The following MCPH1 variants were observed in gnomAD, a reference collection of about 807,000 sequenced individuals.
MCPH1 encodes the protein microcephalin 1.
In MCPH1, 104 loss-of-function variants were observed where a neutral mutation model predicts 84.5. The ratio of observed to expected loss-of-function variants is 1.23; its 90% CI spans 1.05 to 1.45. The LOEUF (loss-of-function observed/expected upper bound fraction) is 1.45. Ranked by LOEUF, MCPH1 falls within the 40% of genes most tolerant of loss-of-function variation. The probability of loss-of-function intolerance (pLI) is 0.00; values close to 1 mark genes in which losing one functional copy is unlikely to be tolerated. For missense variants in MCPH1, 1,498 were observed against 1,005.7 expected, an observed-to-expected ratio of 1.49 and a Z score of -6.62; for synonymous variants, 514 against 366.8, an observed-to-expected ratio of 1.40 and a Z score of -4.58.
At chr8:6,481,070 C>G (rs1809169048) in intron 11 of MCPH1, among the ~76,000 whole-genome samples, 194 bp downstream of exon 11, 1 of 152,190 alleles carries the variant, frequency 6.6e-6, no homozygotes, top group Admixed American at 6.5e-5. Context: ...GGGCCAAGTT[C>G]TGGGGCAACA....
intron 3 of MCPH1, among the ~76,000 whole-genome samples, chr8:6,421,497 A>G (rs1053815556): frequency 1.3e-5 from 2 of 151,898 alleles, no homozygotes; most frequent in Non-Finnish European, 2.9e-5. Flanking sequence ...CCACCCTGCC[A>G]TACTGTTTAT....
intron 12 of MCPH1, among the ~76,000 whole-genome samples, chr8:6,534,093 G>A (rs377101519): frequency 6.6e-6 from 1 of 152,012 alleles, no homozygotes; most frequent in African/African-American, 2.4e-5. Context: ...CCTGGCAGTC[G>A]TTCTCCCGTG....
rs114567704 is a variant in MCPH1, at chr8:6,410,479, A to G, written c.114+1109A>G. The stretch of plus-strand genomic sequence containing the variant: ...TATGAGGAAATGGAGATAGCAAACA[A>G]TTTGCCTTATTCAAGGTTTCTTAGT... On this transcript the variant is annotated intron_variant, in intron 2 of 13. Transcript: ENST00000344683. 2.9e-3 allele frequency among the ~76,000 whole-genome samples: 435 copies of G among 152,250 alleles called. 2 individuals are homozygous for G. Among genetic ancestry groups the G allele is most frequent in the African/African-American group, 0.01 (417 of 41,550 alleles).
chr8:6,519,443 T>C (rs1455037625), intron 12 of MCPH1, among the ~76,000 whole-genome samples: 1 of 152,040 alleles, frequency 6.6e-6, no homozygotes, highest in African/African-American at 2.4e-5. Flanking sequence ...CACTGAAAAA[T>C]GACTTTGACA....
In MCPH1 at chr8:6,645,331, T is replaced by G. The variant is rs577613495; in HGVS notation, c.*2282T>G. On this transcript the variant is annotated 3_prime_UTR_variant, in exon 14 of 14. Transcript: ENST00000344683. ...ACACTAAGCACATTATATGTTGTAC[T>G]TCATTTTACCCTTTCAACAATCCTA... The G allele has an allele frequency of 6.6e-6, 1 of 152,164 alleles. No individual in the cohort carries two copies. Among genetic ancestry groups the G allele is most frequent in the Non-Finnish European group, 1.5e-5 (1 of 68,024 alleles). The allele number at this position is 152,164 out of a possible 1,614,324, so 9.4% of individuals were successfully genotyped here.
chr8:6,445,923 C>G (rs1804295987), intron 8 of MCPH1: 3 of 991,536 alleles, frequency 3.0e-6, no homozygotes, highest in East Asian at 2.2e-4. Flanking sequence ...TTTTTAAAAC[C>G]TAGGTTCTTA....
intron 13 of MCPH1, chr8:6,625,826 T>C: frequency 1.0e-6 from 1 of 985,432 alleles, no homozygotes; most frequent in Non-Finnish European, 1.2e-6. Flanking sequence ...GCCTTTATAT[T>C]GTTTCTGTAT....
At chr8:6,467,845 G>A (rs141128522) in intron 9 of MCPH1, among the ~76,000 whole-genome samples, 2,180 of 152,206 alleles carry the variant, frequency 0.014, 56 homozygotes, top group African/African-American at 0.051. Flanking sequence ...CCATCCACTC[G>A]CCTGGGTCTC....
intron 7 of MCPH1, among the ~76,000 whole-genome samples, chr8:6,442,710 C>T (rs564024737): frequency 4.5e-4 from 69 of 152,324 alleles, no homozygotes; most frequent in African/African-American, 1.4e-3. Context: ...ATATCTTCTT[C>T]GTACCAAATT....
chr8:6,513,966 G>T, intron 12 of MCPH1: 1 of 963,040 alleles, frequency 1.0e-6, no homozygotes, highest in Non-Finnish European at 1.5e-6. Context: ...TTCTGGTGCT[G>T]TGACAATTTA....
At chr8:6,415,422 G>C (rs1022618604) in intron 3 of MCPH1, among the ~76,000 whole-genome samples, 5 of 151,734 alleles carry the variant, frequency 3.3e-5, no homozygotes, top group African/African-American at 9.7e-5. Context: ...CAAGTAGCTG[G>C]GATTCATCTC....
chr8:6,633,688 C>G lies in MCPH1; in HGVS notation c.2453-9306C>G, dbSNP rs148743692. Among the ~76,000 whole-genome samples the G allele has an allele frequency of 5.8e-3, 887 of 152,268 alleles. 7 individuals carry two copies. The highest frequency in any genetic ancestry group is 0.014 in the Middle Eastern group (4 of 294). On this transcript the variant is annotated intron_variant, in intron 13 of 13. Transcript: ENST00000344683. ...ACACCCAAATTCCCCCACACAAGCA[C>G]GCCCACAATGTGTAATAAAATGGCA...
chr8:6,626,474 G>GTTTTTTT (rs71213328), intron 13 of MCPH1: 180 of 925,000 alleles, frequency 1.9e-4, no homozygotes, highest in Admixed American at 1.0e-3. Context: ...TTTTTGTTTT[G>GTTTTTTT]TTTTTTTTTT....
At chr8:6,550,317 G>A (rs1453126688) in intron 12 of MCPH1, among the ~76,000 whole-genome samples, 2 of 152,166 alleles carry the variant, frequency 1.3e-5, no homozygotes, top group Non-Finnish European at 2.9e-5. Context: ...CCCTATGTGT[G>A]TGGGTCCTGG....
At chr8:6,564,687 A>G (rs1405499337) in intron 12 of MCPH1, among the ~76,000 whole-genome samples, 2 of 152,228 alleles carry the variant, frequency 1.3e-5, no homozygotes, top group Non-Finnish European at 2.9e-5. Context: ...TTTATTTTTT[A>G]CTAAGCTCTA....
At chr8:6,548,082 C>A (rs915192839) in intron 12 of MCPH1, among the ~76,000 whole-genome samples, 23 of 152,214 alleles carry the variant, frequency 1.5e-4, no homozygotes, top group African/African-American at 5.3e-4. Context: ...CTGAATCCCC[C>A]CTAGCGGAAG....
At chr8:6,440,875 C>A (rs1803406587) in intron 6 of MCPH1, among the ~76,000 whole-genome samples, 1 of 152,164 alleles carries the variant, frequency 6.6e-6, no homozygotes. Flanking sequence ...GATAGAATTG[C>A]CTTTCTCTGT....
At chr8:6,565,026 G>A (rs1293935503) in intron 12 of MCPH1, among the ~76,000 whole-genome samples, 1 of 152,122 alleles carries the variant, frequency 6.6e-6, no homozygotes, top group African/African-American at 2.4e-5. Context: ...TCCACTAAGG[G>A]AACCAATTAA....
chr8:6,510,654 A>G (rs1024265093), intron 12 of MCPH1, among the ~76,000 whole-genome samples: 1 of 152,184 alleles, frequency 6.6e-6, no homozygotes, highest in African/African-American at 2.4e-5. Context: ...TCAGACTCTT[A>G]AGTCATGGAG....
Sources: allele counts gnomAD v4.1 joint callset (sites outside exome capture counted in the v4.1 genomes callset), GRCh38; gene constraint gnomAD v4.1.1; transcripts MANE v1.5; gene names NCBI Gene and HGNC (gene_info 2026-07-23, HGNC 2026-07-21).